Variants in NR2F1-AS1 observed in about 807,000 individuals in gnomAD.
The protein encoded by NR2F1-AS1 is NR2F1 regulatory antisense RNA 1, also known as NR2F1 antisense RNA 1.
chr5:93,485,862 C>G (rs2149877438), intron 4 of NR2F1-AS1, among the ~76,000 whole-genome samples: 1 of 144,934 alleles, frequency 6.9e-6, no homozygotes, highest in South Asian at 2.3e-4. Context: ...TGGAACCAAC[C>G]CAAATGTCCA....
At chr5:93,467,802 T>C (rs1750271747) in intron 4 of NR2F1-AS1, among the ~76,000 whole-genome samples, 2 of 151,994 alleles carry the variant, frequency 1.3e-5, no homozygotes, top group Non-Finnish European at 2.9e-5. Flanking sequence ...TATTAGGTAT[T>C]TCCCCTAATG....
chr5:93,573,636 A>C (rs1329210480), intron 1 of NR2F1-AS1, among the ~76,000 whole-genome samples: 1 of 152,218 alleles, frequency 6.6e-6, no homozygotes, highest in African/African-American at 2.4e-5. Context: ...AGATTTCTAA[A>C]GTAATCTTTT....
chr5:93,471,966 T>C (rs1750374643), intron 4 of NR2F1-AS1, among the ~76,000 whole-genome samples: 1 of 151,862 alleles, frequency 6.6e-6, no homozygotes, highest in Admixed American at 6.6e-5. Context: ...GAACCAATAT[T>C]CATTTATTGA....
chr5:93,445,949 C>T (rs934460042), intron 4 of NR2F1-AS1, among the ~76,000 whole-genome samples: 9 of 152,140 alleles, frequency 5.9e-5, no homozygotes, highest in Non-Finnish European at 1.2e-4. Context: ...AAGATAAAAA[C>T]CACATGATTA....
chr5:93,482,940 C>T (rs1750633153), intron 4 of NR2F1-AS1, among the ~76,000 whole-genome samples: 1 of 152,206 alleles, frequency 6.6e-6, no homozygotes. Context: ...GAAAGAAAGG[C>T]AGCAGACCCA....
intron 2 of NR2F1-AS1, among the ~76,000 whole-genome samples, chr5:93,557,741 C>T (rs1752393240): frequency 6.6e-6 from 1 of 152,048 alleles, no homozygotes; most frequent in African/African-American, 2.4e-5. Context: ...TAAAGTTTGC[C>T]CCATTGATTG....
chr5:93,562,509 G>T (rs950392004), intron 2 of NR2F1-AS1, among the ~76,000 whole-genome samples: 2 of 152,090 alleles, frequency 1.3e-5, no homozygotes, highest in Admixed American at 6.6e-5. Context: ...GCCCAGGCTA[G>T]TCTCGAACTC....
At chr5:93,441,011 C>A (rs964093693) in intron 4 of NR2F1-AS1, among the ~76,000 whole-genome samples, 31 of 152,146 alleles carry the variant, frequency 2.0e-4, no homozygotes, top group African/African-American at 6.8e-4. Flanking sequence ...TAACTATATG[C>A]TGCTAATATT....
chr5:93,535,882 G>T (rs1054208900), intron 4 of NR2F1-AS1, among the ~76,000 whole-genome samples: 4 of 152,004 alleles, frequency 2.6e-5, no homozygotes, highest in Non-Finnish European at 5.9e-5. Context: ...TCATGCAAAA[G>T]ATCAGGAAGA....
At chr5:93,470,262 A>G (rs1341205656) in intron 4 of NR2F1-AS1, among the ~76,000 whole-genome samples, 1 of 151,974 alleles carries the variant, frequency 6.6e-6, no homozygotes. Flanking sequence ...AACAAAAATT[A>G]TGTTTTTACT....
At chr5:93,480,821 A>C (rs1750584987) in intron 4 of NR2F1-AS1, among the ~76,000 whole-genome samples, 1 of 152,114 alleles carries the variant, frequency 6.6e-6, no homozygotes. Flanking sequence ...TAAATTTAGA[A>C]TATTAACTGT....
At chr5:93,421,161 ATAAAG>A (rs1749080260) in intron 4 of NR2F1-AS1, among the ~76,000 whole-genome samples, 1 of 152,182 alleles carries the variant, frequency 6.6e-6, no homozygotes, top group Non-Finnish European at 1.5e-5. Flanking sequence ...ACAATGCAGT[ATAAAG>A]TAAAATCAAA....
chr5:93,564,149 A>AAC lies in NR2F1-AS1; in HGVS notation n.314-688_314-687dup, dbSNP rs1561506142. Among the ~76,000 whole-genome samples the AAC allele has an allele frequency of 4.9e-4, 64 of 129,302 alleles. 2 individuals carry two copies. The highest frequency in any genetic ancestry group is 3.6e-3 in the Middle Eastern group (1 of 278). 84.8% of individuals were successfully genotyped at this position (129,302 alleles called of 152,430 possible). A position where few individuals can be genotyped will look rare whatever the true frequency, so the allele number is the denominator to read the frequency against. ...AAAAAAAAAAAAAAAAAAAAAAAAAAACACACAACTACCTGGAGAATACTT... is the reference window on the plus strand; with the variant it reads ...AAAAAAAAAAAAAAAAAAAAAAAAAAACACACACAACTACCTGGAGAATACTT... On this transcript the variant is annotated intron_variant and non_coding_transcript_variant, in intron 1 of 5. Transcript: ENST00000660523.
chr5:93,410,028 A>T (rs1580199539), intron 4 of NR2F1-AS1: 1 of 152,230 alleles, frequency 6.6e-6, no homozygotes, highest in Non-Finnish European at 1.5e-5. Context: ...CATACATACT[A>T]AAATGTGTCA....
intron 4 of NR2F1-AS1, among the ~76,000 whole-genome samples, chr5:93,462,210 C>A (rs971131550): frequency 3.3e-5 from 5 of 152,110 alleles, no homozygotes; most frequent in African/African-American, 1.2e-4. Flanking sequence ...TGGGAGGAAC[C>A]TGGTGGGAGG....
chr5:93,499,872 T>C (rs1016290187), intron 4 of NR2F1-AS1, among the ~76,000 whole-genome samples: 2 of 152,218 alleles, frequency 1.3e-5, no homozygotes. Flanking sequence ...GGGGCCTGGA[T>C]AGAAGATCAA....
intron 4 of NR2F1-AS1, among the ~76,000 whole-genome samples, chr5:93,441,005 T>C (rs1446673229): frequency 1.3e-5 from 2 of 152,242 alleles, no homozygotes; most frequent in Admixed American, 6.5e-5. Context: ...ATTTATTAAC[T>C]ATATGCTGCT....
At chr5:93,572,306 C>A (rs976870514) in intron 1 of NR2F1-AS1, among the ~76,000 whole-genome samples, 9 of 152,200 alleles carry the variant, frequency 5.9e-5, no homozygotes, top group African/African-American at 1.7e-4. Flanking sequence ...TTGATGATGT[C>A]GCTCAAACTA....
chr5:93,509,055 C>T (rs1022809217), intron 4 of NR2F1-AS1, among the ~76,000 whole-genome samples: 1 of 152,052 alleles, frequency 6.6e-6, no homozygotes, highest in Admixed American at 6.5e-5. Context: ...GTGTTCCTTA[C>T]AGCATTGTTT....
Sources: gnomAD v4.1 joint callset for allele counts (sites outside exome capture counted in the v4.1 genomes callset) on GRCh38, gnomAD v4.1.1 for gene constraint, MANE v1.5 for transcripts, NCBI Gene and HGNC (gene_info 2026-07-23, HGNC 2026-07-21) for gene names.